The following ST6GALNAC3 variants were observed in gnomAD, a reference collection of about 807,000 sequenced individuals.
ST6GALNAC3 encodes ST6 N-acetylgalactosaminide alpha-2,6-sialyltransferase 3.
A neutral mutation model predicts 32.7 loss-of-function variants in ST6GALNAC3; 25 were observed. The ratio of observed to expected loss-of-function variants is 0.76; its 90% confidence interval spans 0.56 to 1.07. ST6GALNAC3 has a LOEUF of 1.07. ST6GALNAC3 is among the 50% of genes least tolerant of loss of function. The pLI, the probability that ST6GALNAC3 is intolerant of heterozygous loss-of-function variation, is 0.00. For missense variants in ST6GALNAC3, 355 were observed against 382.4 expected, an observed-to-expected ratio of 0.93 and a Z score of 0.60; for synonymous variants, 129 against 133.1, an observed-to-expected ratio of 0.97 and a Z score of 0.21.
At chr1:76,419,297 A>T (rs990611367) in intron 3 of ST6GALNAC3, among the ~76,000 whole-genome samples, 3 of 152,080 alleles carry the variant, frequency 2.0e-5, no homozygotes, top group Middle Eastern at 3.2e-3. Context: ...ATTATACTGT[A>T]TAGAAAAAAA....
chr1:76,433,293 T>G (rs1049267203), intron 3 of ST6GALNAC3, among the ~76,000 whole-genome samples: 2 of 152,192 alleles, frequency 1.3e-5, no homozygotes, highest in African/African-American at 4.8e-5. Context: ...TTGGTTGATT[T>G]TTTTTAACCT....
intron 2 of ST6GALNAC3, among the ~76,000 whole-genome samples, chr1:76,355,331 C>A (rs1649347979): frequency 6.6e-6 from 1 of 152,124 alleles, no homozygotes; most frequent in South Asian, 2.1e-4. Context: ...TATATTCCTA[C>A]CAAAGACAAT....
At position 76,208,048 on chromosome 1, in the gene ST6GALNAC3, C is replaced by CCT. The variant is rs1553165416; in HGVS notation, c.19-105756_19-105755insTC. Among the ~76,000 whole-genome samples, 38 of 145,750 alleles carry CCT rather than the reference C, an allele frequency of 2.6e-4. 2 individuals carry two copies. The East Asian group carries it at 6.9e-3, about 26-fold the overall frequency. ...CTGTTCCCACTCAAGAGTGCCCCCC[C>CCT]CCCCAAAAAATAGTTCACCCAGAAC... On this transcript the variant is annotated intron_variant, in intron 1 of 4. Transcript: ENST00000328299.
chr1:76,613,722 C>G (rs770095897), intron 3 of ST6GALNAC3, among the ~76,000 whole-genome samples: 2 of 152,230 alleles, frequency 1.3e-5, no homozygotes, highest in Non-Finnish European at 2.9e-5. Flanking sequence ...TCTTCCTGCT[C>G]TGGCCACGTA....
At chr1:76,429,345 A>T (rs1450725056) in intron 3 of ST6GALNAC3, among the ~76,000 whole-genome samples, 2 of 152,150 alleles carry the variant, frequency 1.3e-5, no homozygotes, top group African/African-American at 4.8e-5. Flanking sequence ...TAGTGTCTAT[A>T]CTTTTGTTAG....
At chr1:76,592,895 G>A (rs1647070875) in intron 3 of ST6GALNAC3, among the ~76,000 whole-genome samples, 1 of 152,100 alleles carries the variant, frequency 6.6e-6, no homozygotes, top group Admixed American at 6.5e-5. Flanking sequence ...GGTGGGGAGT[G>A]AAAAATCTTA....
intron 1 of ST6GALNAC3, among the ~76,000 whole-genome samples, chr1:76,169,744 T>C (rs985125459): frequency 2.6e-5 from 4 of 152,228 alleles, no homozygotes; most frequent in Non-Finnish European, 5.9e-5. Context: ...CTTGGTCTAT[T>C]CTGCTATTAA....
At chr1:76,620,119 G>C (rs989521679) in intron 3 of ST6GALNAC3, among the ~76,000 whole-genome samples, 2 of 152,008 alleles carry the variant, frequency 1.3e-5, no homozygotes, top group Non-Finnish European at 2.9e-5. Context: ...AACATGCCTC[G>C]CACCTAGAAA....
intron 3 of ST6GALNAC3, among the ~76,000 whole-genome samples, chr1:76,600,506 A>G (rs950612591): frequency 2.6e-5 from 4 of 152,112 alleles, no homozygotes; most frequent in Admixed American, 2.0e-4. Flanking sequence ...ACAAGAACTG[A>G]TAAGACAGGA....
chr1:76,325,904 T>A (rs1291764995), intron 2 of ST6GALNAC3, among the ~76,000 whole-genome samples: 2 of 151,930 alleles, frequency 1.3e-5, no homozygotes, highest in East Asian at 3.9e-4. Flanking sequence ...TTAGACCTAC[T>A]TCTTTTTGCT....
Position 76,235,767 on chromosome 1 carries a change from C to T in ST6GALNAC3, c.19-78038C>T, listed in dbSNP as rs142301385. ...GTCACAATTCTACAGACTAGGCATC[C>T]GAGATCGAAGTGTCACAGCACTGTT... is the stretch of plus-strand genomic sequence containing the variant. On this transcript the variant is annotated intron_variant, in intron 1 of 4. Transcript: ENST00000328299. Among the ~76,000 whole-genome samples the T allele has an allele frequency of 3.2e-3, 464 of 146,702 alleles. 3 individuals carry two copies. The highest frequency in any genetic ancestry group is 0.011 in the African/African-American group (430 of 39,270).
At chr1:76,547,031 A>G (rs749371738) in intron 3 of ST6GALNAC3, among the ~76,000 whole-genome samples, 8 of 152,368 alleles carry the variant, frequency 5.3e-5, no homozygotes, top group Admixed American at 1.3e-4. Flanking sequence ...CTGGAAACTA[A>G]TAATAAATAT....
chr1:76,343,588 T>C (rs1648246023), intron 2 of ST6GALNAC3, among the ~76,000 whole-genome samples: 1 of 152,178 alleles, frequency 6.6e-6, no homozygotes, highest in South Asian at 2.1e-4. Flanking sequence ...TTTGGAACCA[T>C]GGTCTGTCAA....
chr1:76,083,174 C>T (rs1646920533), intron 1 of ST6GALNAC3, among the ~76,000 whole-genome samples: 1 of 152,170 alleles, frequency 6.6e-6, no homozygotes, highest in African/African-American at 2.4e-5. Flanking sequence ...TGTGTATATT[C>T]TGGGTTGGAA....
chr1:76,113,991 ATTTT>A (rs754290749), intron 1 of ST6GALNAC3, among the ~76,000 whole-genome samples: 6 of 125,160 alleles, frequency 4.8e-5, no homozygotes, highest in African/African-American at 9.6e-5. Flanking sequence ...CGCCCGGCTA[ATTTT>A]TTTTTTTTTT....
chr1:76,615,388 A>G (rs1460029438), intron 3 of ST6GALNAC3, among the ~76,000 whole-genome samples: 1 of 152,124 alleles, frequency 6.6e-6, no homozygotes, highest in Non-Finnish European at 1.5e-5. Context: ...AGCTCCAAAA[A>G]CAAGAGTTGG....
intron 2 of ST6GALNAC3, among the ~76,000 whole-genome samples, chr1:76,392,389 A>G (rs1360278719): frequency 2.6e-5 from 4 of 152,236 alleles, no homozygotes; most frequent in African/African-American, 4.8e-5. Context: ...TAGAAAGTAA[A>G]CATCTTCCTT....
At chr1:76,370,129 G>T (rs2101076971) in intron 2 of ST6GALNAC3, among the ~76,000 whole-genome samples, 1 of 152,244 alleles carries the variant, frequency 6.6e-6, no homozygotes, top group Non-Finnish European at 1.5e-5. Context: ...CATGAAAAAT[G>T]TGGCCACCTC....
intron 2 of ST6GALNAC3, among the ~76,000 whole-genome samples, chr1:76,376,902 T>C (rs1415113845): frequency 1.3e-5 from 2 of 152,194 alleles, no homozygotes. Context: ...GTCTATCATT[T>C]TGAATAGTTC....
Sources: gnomAD v4.1 joint callset for allele counts (sites outside exome capture counted in the v4.1 genomes callset) on GRCh38, gnomAD v4.1.1 for gene constraint, MANE v1.5 for transcripts, NCBI Gene and HGNC (gene_info 2026-07-23, HGNC 2026-07-21) for gene names.